Variants in CLSTN2 observed in about 807,000 individuals in gnomAD.
CLSTN2 encodes the protein calsyntenin 2, also known as calsyntenin-2.
In CLSTN2, 48 loss-of-function variants were observed where a neutral mutation model predicts 101.2. That is an observed-to-expected ratio of 0.47 (90% CI 0.38 to 0.60). CLSTN2 has a LOEUF of 0.60. Ranked by LOEUF, CLSTN2 falls within the 20% of genes least tolerant of loss-of-function variation. The pLI is 0.00. For missense variants in CLSTN2, 1,160 were observed against 1,238.2 expected, an observed-to-expected ratio of 0.94 and a Z score of 0.95; for synonymous variants, 481 against 463.6, an observed-to-expected ratio of 1.04 and a Z score of -0.48.
intron 1 of CLSTN2, among the ~76,000 whole-genome samples, chr3:139,952,369 G>A (rs1935309169): frequency 6.6e-6 from 1 of 152,204 alleles, no homozygotes; most frequent in Non-Finnish European, 1.5e-5. Context: ...GCAATAAAAA[G>A]AAGAGCTTGG....
At chr3:140,479,267 G>T (rs1213435222) in intron 8 of CLSTN2, among the ~76,000 whole-genome samples, 1 of 152,182 alleles carries the variant, frequency 6.6e-6, no homozygotes, top group African/African-American at 2.4e-5. Flanking sequence ...CAGACTATGT[G>T]CCAGGATTTA....
intron 7 of CLSTN2, among the ~76,000 whole-genome samples, chr3:140,465,248 T>C (rs1933662177): frequency 6.6e-6 from 1 of 152,248 alleles, no homozygotes; most frequent in African/African-American, 2.4e-5. Context: ...TCTGCAATTA[T>C]TCAGATCTGT....
At chr3:139,978,159 C>T (rs573713894) in intron 1 of CLSTN2, among the ~76,000 whole-genome samples, 1 of 152,242 alleles carries the variant, frequency 6.6e-6, no homozygotes, top group South Asian at 2.1e-4. Flanking sequence ...ATCCTGAGCT[C>T]CTCTCTGCAA....
rs180922703 is a variant in CLSTN2 at position 140,225,566 on chromosome 3, C to T, written c.232+49493C>T. The stretch of plus-strand genomic sequence containing the variant: ...AGGCTGGAGTACAGTGGCGCGATAT[C>T]GGCTCACTGCAACCTCCGCCTCCCG... On this transcript the variant is annotated intron_variant, in intron 2 of 16. Transcript: ENST00000458420. Among the ~76,000 whole-genome samples, 217 of 152,238 alleles carry T rather than the reference C, an allele frequency of 1.4e-3. 2 individuals carry two copies. Among genetic ancestry groups the T allele is most frequent in the South Asian group, 2.5e-3 (12 of 4,816 alleles).
At chr3:140,019,922 A>G (rs917410116) in intron 1 of CLSTN2, among the ~76,000 whole-genome samples, 5 of 152,148 alleles carry the variant, frequency 3.3e-5, no homozygotes, top group African/African-American at 1.2e-4. Context: ...GATGAAGGCA[A>G]TAGGTCGGGG....
intron 1 of CLSTN2, among the ~76,000 whole-genome samples, chr3:140,153,079 G>A (rs543569519): frequency 2.2e-4 from 34 of 152,320 alleles, no homozygotes; most frequent in African/African-American, 7.9e-4. Context: ...CCAGGGCACA[G>A]TGTGGGACTT....
intron 2 of CLSTN2, among the ~76,000 whole-genome samples, chr3:140,273,677 C>T (rs1381013252): frequency 6.6e-6 from 1 of 152,126 alleles, no homozygotes; most frequent in Non-Finnish European, 1.5e-5. Context: ...TCTCCTAAAA[C>T]CCAGCAAGGG....
At chr3:140,014,723 A>C (rs2007163184) in intron 1 of CLSTN2, among the ~76,000 whole-genome samples, 1 of 152,028 alleles carries the variant, frequency 6.6e-6, no homozygotes, top group African/African-American at 2.4e-5. Flanking sequence ...AAGAGTGAGG[A>C]ATAGGGAGAG....
chr3:140,494,317 C>A (rs1054299838), intron 8 of CLSTN2, among the ~76,000 whole-genome samples: 2 of 152,168 alleles, frequency 1.3e-5, no homozygotes, highest in Non-Finnish European at 2.9e-5. Context: ...CAATAAAGAT[C>A]ACAAGCCCAG....
intron 4 of CLSTN2, among the ~76,000 whole-genome samples, chr3:140,409,115 A>G (rs184195781): frequency 2.3e-4 from 35 of 152,256 alleles, no homozygotes; most frequent in Non-Finnish European, 4.0e-4. Context: ...ACATGAGTGC[A>G]TGCAGCTGGT....
chr3:140,402,915 A>G (rs2088259477), intron 2 of CLSTN2, among the ~76,000 whole-genome samples: 1 of 152,090 alleles, frequency 6.6e-6, no homozygotes, highest in Non-Finnish European at 1.5e-5. Flanking sequence ...TCTTTTCTCT[A>G]ATAAGTCTGT....
chr3:140,349,820 C>G (rs1324941766), intron 2 of CLSTN2, among the ~76,000 whole-genome samples: 1 of 152,188 alleles, frequency 6.6e-6, no homozygotes, highest in Non-Finnish European at 1.5e-5. Context: ...CTGCATGTTG[C>G]TAGCATGGAG....
chr3:140,430,703 G>T (rs1235733338), intron 5 of CLSTN2, among the ~76,000 whole-genome samples: 1 of 152,212 alleles, frequency 6.6e-6, no homozygotes, highest in Admixed American at 6.5e-5. Context: ...AGCCTTGAAA[G>T]AATGGGAGAT....
At chr3:140,423,718 G>T (rs2088531549) in intron 5 of CLSTN2, among the ~76,000 whole-genome samples, 1 of 151,964 alleles carries the variant, frequency 6.6e-6, no homozygotes, top group African/African-American at 2.4e-5. Flanking sequence ...ACATGTCACA[G>T]TACCAGGCTT....
intron 2 of CLSTN2, among the ~76,000 whole-genome samples, chr3:140,310,811 A>G (rs2087160023): frequency 6.6e-6 from 1 of 152,232 alleles, no homozygotes; most frequent in African/African-American, 2.4e-5. Flanking sequence ...AGCACTAAAT[A>G]TTGTCTATTA....
intron 8 of CLSTN2, among the ~76,000 whole-genome samples, chr3:140,468,684 C>T (rs1477006143): frequency 6.6e-6 from 1 of 152,228 alleles, no homozygotes; most frequent in Non-Finnish European, 1.5e-5. Flanking sequence ...ACACAGCAAA[C>T]CGTGGGTAGG....
At chr3:140,165,586 A>G (rs2010122632) in intron 1 of CLSTN2, among the ~76,000 whole-genome samples, 1 of 152,096 alleles carries the variant, frequency 6.6e-6, no homozygotes, top group Non-Finnish European at 1.5e-5. Flanking sequence ...GGAAGAATGA[A>G]TAGGAGTGTA....
At chr3:140,278,359 T>G (rs2086814013) in intron 2 of CLSTN2, among the ~76,000 whole-genome samples, 1 of 1,024 alleles carries the variant, frequency 9.8e-4, no homozygotes, top group Admixed American at 0.028. Flanking sequence ...GCTCAACACT[T>G]GAGCGAGCGG....
intron 1 of CLSTN2, among the ~76,000 whole-genome samples, chr3:140,090,627 G>A (rs533742719): frequency 6.6e-6 from 1 of 152,264 alleles, no homozygotes; most frequent in African/African-American, 2.4e-5. Flanking sequence ...CCTGTTGGAG[G>A]CACAACACTA....
Sources: allele counts gnomAD v4.1 joint callset (sites outside exome capture counted in the v4.1 genomes callset), GRCh38; gene constraint gnomAD v4.1.1; transcripts MANE v1.5; gene names NCBI Gene and HGNC (gene_info 2026-07-23, HGNC 2026-07-21).